Variants in TPO observed in about 807,000 individuals in gnomAD.
TPO encodes the protein thyroid peroxidase.
TPO carries 78 observed loss-of-function variants against 96.9 expected under a neutral mutation model. The ratio of observed to expected loss-of-function variants is 0.81; its 90% CI spans 0.67 to 0.97. TPO has a LOEUF of 0.97. Ranked by LOEUF, TPO falls within the 50% of genes least tolerant of loss-of-function variation. TPO has a pLI of 0.00. For missense variants in TPO, 1,252 were observed against 1,274.8 expected, an observed-to-expected ratio of 0.98 and a Z score of 0.27; for synonymous variants, 547 against 538.0, an observed-to-expected ratio of 1.02 and a Z score of -0.23.
At chr2:1,492,974 G>A (rs1472850823) in intron 10 of TPO, among the ~76,000 whole-genome samples, 1 of 152,132 alleles carries the variant, frequency 6.6e-6, no homozygotes, top group African/African-American at 2.4e-5. Flanking sequence ...GCAGATGTGA[G>A]GAGTGGGGCA....
intron 15 of TPO, among the ~76,000 whole-genome samples, chr2:1,523,793 G>C (rs1675760806): frequency 1.1e-5 from 1 of 94,134 alleles, no homozygotes. Flanking sequence ...TCCCCTCACT[G>C]TGTGCAACCT....
chr2:1,505,214 G>A (rs906879063), intron 14 of TPO, among the ~76,000 whole-genome samples: 4 of 152,112 alleles, frequency 2.6e-5, no homozygotes, highest in Non-Finnish European at 4.4e-5. Context: ...TGACTGGCAC[G>A]TCCCCCACTC....
chr2:1,456,525 C>T lies in TPO; in HGVS notation c.819+243C>T, dbSNP rs4927579. ...ATACTGTGGGTACACATATATATAG[C>T]ATGTATGATAGTGTGTGGGCAGATG... On this transcript the variant is annotated intron_variant, in intron 7 of 16. Transcript: ENST00000329066. Among the ~76,000 whole-genome samples the T allele has an allele frequency of 0.76, 7,902 of 10,456 alleles. 3,147 individuals are homozygous for T. Among genetic ancestry groups the T allele is most frequent in the South Asian group, 0.94 (398 of 422 alleles). The allele number at this position is 10,456 out of a possible 152,430, so 6.9% of individuals were successfully genotyped here. A position where few individuals can be genotyped will look rare whatever the true frequency, so the allele number is the denominator to read the frequency against.
chr2:1,377,752 A>G (rs1230814732), intron 1 of TPO, among the ~76,000 whole-genome samples: 1 of 152,146 alleles, frequency 6.6e-6, no homozygotes, highest in Non-Finnish European at 1.5e-5. Context: ...GGTGAGCTGC[A>G]GCCGCCCCTC....
intron 16 of TPO, chr2:1,541,093 G>C (rs567151647): frequency 8.3e-7 from 1 of 1,206,414 alleles, no homozygotes; most frequent in Non-Finnish European, 1.0e-6. Flanking sequence ...GTTATAATCA[G>C]TGTGGAAAAA....
Position 1,539,355 on chromosome 2 carries a change from G to A in TPO, c.2619-1239G>A, listed in dbSNP as rs1397781770. On this transcript the variant is annotated intron_variant, in intron 15 of 16. Coordinates refer to ENST00000329066, the MANE Select transcript of TPO (RefSeq NM_001206744.2). ...TTTACGAATGAGAAAACTGAGATGC[G>A]GAGAGGTCACCAAGTCAAACTCAAG... 6.6e-5 allele frequency among the ~76,000 whole-genome samples: 10 copies of A among 152,282 alleles called. No individual in the cohort carries two copies. In the Middle Eastern group the frequency reaches 0.014, roughly 207 times the overall value.
chr2:1,521,827 G>A (rs72776252), intron 15 of TPO, among the ~76,000 whole-genome samples: 19,060 of 151,942 alleles, frequency 0.13, 1,300 homozygotes, highest in Non-Finnish European at 0.14. Flanking sequence ...ATGAGCAGGG[G>A]GAGCTGTTCC....
chr2:1,422,329 G>A (rs74586315), intron 2 of TPO, among the ~76,000 whole-genome samples: 1 of 83,540 alleles, frequency 1.2e-5, no homozygotes, highest in African/African-American at 4.9e-5. Context: ...CCTCGTGCAG[G>A]CGCCTCTCCT....
At chr2:1,406,474 G>A (rs1220406322) in intron 1 of TPO, among the ~76,000 whole-genome samples, 1 of 152,302 alleles carries the variant, frequency 6.6e-6, no homozygotes, top group Middle Eastern at 3.4e-3. Context: ...GTCCTTCTCT[G>A]CTTCCAGACA....
At position 1,422,316 on chromosome 2, in the gene TPO, A is replaced by AGACCTCGTGCAGGCGCCGCGCTGGACT. The variant is rs1663683531; in HGVS notation, c.95-712_95-711insGCGCTGGACTGACCTCGTGCAGGCGCC. Among the ~76,000 whole-genome samples the AGACCTCGTGCAGGCGCCGCGCTGGACT allele has an allele frequency of 1.2e-3, 79 of 68,350 alleles. 3 individuals carry two copies. Among genetic ancestry groups the AGACCTCGTGCAGGCGCCGCGCTGGACT allele is most frequent in the African/African-American group, 3.8e-3 (67 of 17,646 alleles). 44.8% of individuals were successfully genotyped at this position (68,350 alleles called of 152,430 possible). A position where few individuals can be genotyped will look rare whatever the true frequency, so the allele number is the denominator to read the frequency against. On this transcript the variant is annotated intron_variant, in intron 2 of 16. Transcript: ENST00000329066. ...GACCCCGCAGGCGCCTCTCCTGGAC[A>AGACCTCGTGCAGGCGCCGCGCTGGACT]GACCTCGTGCAGGCGCCTCTCCTGG... is the stretch of plus-strand genomic sequence containing the variant.
At chr2:1,402,668 G>A (rs1480626282) in intron 1 of TPO, among the ~76,000 whole-genome samples, 1 of 152,126 alleles carries the variant, frequency 6.6e-6, no homozygotes, top group African/African-American at 2.4e-5. Context: ...AGCAAAGGGG[G>A]AAACTTCTTA....
intron 5 of TPO, among the ~76,000 whole-genome samples, chr2:1,444,142 G>C (rs1311593575): frequency 1.2e-5 from 1 of 81,870 alleles, no homozygotes; most frequent in African/African-American, 4.8e-5. Context: ...TCACTGCTGC[G>C]GGAGGCACCA....
At chr2:1,422,301 G>GCGCCTCTCCTGGACCGACCTCGTGCAGC (rs1663650466) in intron 2 of TPO, among the ~76,000 whole-genome samples, 5 of 124,006 alleles carry the variant, frequency 4.0e-5, no homozygotes, top group Admixed American at 1.6e-4. Context: ...GACCCCGCAG[G>GCGCCTCTCCTGGACCGACCTCGTGCAGC]CGCCTCTCCT....
rs570649635 is a variant in TPO, at chr2:1,471,794, A to G, written c.820-5292A>G. On this transcript the variant is annotated intron_variant, in intron 7 of 16. Coordinates refer to ENST00000329066, the MANE Select transcript of TPO (RefSeq NM_001206744.2). The stretch of plus-strand genomic sequence containing the variant: ...TGGTGTAGACAGCATAGTGGGCTCA[A>G]AGGGATTCACTGGGCACCCCGTTTT... Among the ~76,000 whole-genome samples the G allele has an allele frequency of 7.2e-5, 11 of 152,264 alleles. No individual in the cohort carries two copies. The South Asian group carries it at 2.1e-3, about 29-fold the overall frequency.
intron 8 of TPO, among the ~76,000 whole-genome samples, chr2:1,479,144 G>T (rs529377442): frequency 6.6e-6 from 1 of 152,240 alleles, no homozygotes; most frequent in South Asian, 2.1e-4. Flanking sequence ...GCTGCTGAGC[G>T]GTGGAATCCA....
chr2:1,520,540 G>A (rs116398891), intron 15 of TPO, among the ~76,000 whole-genome samples: 377 of 152,222 alleles, frequency 2.5e-3, no homozygotes, highest in African/African-American at 8.3e-3. Flanking sequence ...TGCTGTCTGG[G>A]GTCTCACACT....
intron 7 of TPO, among the ~76,000 whole-genome samples, chr2:1,475,486 C>G (rs958252527): frequency 6.6e-6 from 1 of 151,958 alleles, no homozygotes; most frequent in African/African-American, 2.4e-5. Context: ...TACAGTGGCC[C>G]AATCTCGGCT....
At chr2:1,519,018 C>T (rs1674979836) in intron 15 of TPO, among the ~76,000 whole-genome samples, 2 of 152,146 alleles carry the variant, frequency 1.3e-5, no homozygotes, top group Admixed American at 1.3e-4. Context: ...GCTGAGCAGG[C>T]GAAGGCCATC....
intron 4 of TPO, among the ~76,000 whole-genome samples, chr2:1,434,755 T>A (rs569137763): frequency 2.6e-5 from 4 of 152,342 alleles, no homozygotes; most frequent in African/African-American, 9.6e-5. Context: ...TAGAATTTTT[T>A]AAAATGATTT....
Sources: allele counts gnomAD v4.1 joint callset (sites outside exome capture counted in the v4.1 genomes callset), GRCh38; gene constraint gnomAD v4.1.1; transcripts MANE v1.5; gene names NCBI Gene and HGNC (gene_info 2026-07-23, HGNC 2026-07-21).